SPAG16: variants seen among roughly 807,000 people sequenced by gnomAD.
SPAG16 encodes the protein sperm-associated antigen 16 protein.
A neutral mutation model predicts 80.4 loss-of-function variants in SPAG16; 86 were observed. The ratio of observed to expected loss-of-function variants is 1.07; its 90% CI spans 0.90 to 1.28. The LOEUF (loss-of-function observed/expected upper bound fraction) is 1.28, where lower values mean the gene tolerates loss of function less well. Among genes scored for constraint, SPAG16 ranks in the 50% most tolerant of loss-of-function variants. SPAG16 has a pLI of 0.00. For synonymous variants in SPAG16, 294 were observed against 265.9 expected (o/e 1.11, Z -1.03); for missense variants, 870 against 765.3 (o/e 1.14, Z -1.61).
At chr2:213,782,238 G>C (rs1419468442) in intron 10 of SPAG16, among the ~76,000 whole-genome samples, 1 of 151,364 alleles carries the variant, frequency 6.6e-6, no homozygotes, top group African/African-American at 2.4e-5. Flanking sequence ...GAAAGATGAA[G>C]GGAAGGAAGA....
intron 15 of SPAG16, among the ~76,000 whole-genome samples, chr2:214,397,449 C>G (rs1358660614): frequency 6.6e-6 from 1 of 152,086 alleles, no homozygotes; most frequent in Admixed American, 6.5e-5. Context: ...TGAGCCCCCG[C>G]GCCCGGCCAT....
chr2:213,521,621 A>G (rs2075673951), intron 10 of SPAG16, among the ~76,000 whole-genome samples: 1 of 152,206 alleles, frequency 6.6e-6, no homozygotes, highest in African/African-American at 2.4e-5. Context: ...ATATTCTTGC[A>G]TGAATGGAAC....
At chr2:213,872,284 G>T (rs1023088689) in intron 11 of SPAG16, among the ~76,000 whole-genome samples, 7 of 152,050 alleles carry the variant, frequency 4.6e-5, no homozygotes, top group Admixed American at 1.3e-4. Flanking sequence ...TCAATCCAAT[G>T]AAACTTATTT....
chr2:214,353,728 T>C (rs1698576301), intron 15 of SPAG16, among the ~76,000 whole-genome samples: 1 of 152,124 alleles, frequency 6.6e-6, no homozygotes, highest in Admixed American at 6.6e-5. Context: ...ATCTCAATTC[T>C]CCTTTAATCA....
intron 10 of SPAG16, among the ~76,000 whole-genome samples, chr2:213,646,483 A>T (rs1055868737): frequency 2.6e-5 from 4 of 152,232 alleles, no homozygotes; most frequent in East Asian, 1.9e-4. Context: ...CAGAACAGGA[A>T]TTATATATTG....
At chr2:214,281,461 G>C (rs1290425283) in intron 15 of SPAG16, 1 of 173,068 alleles carries the variant, frequency 5.8e-6, no homozygotes, top group South Asian at 1.4e-4. Context: ...ATCCTGCAGA[G>C]CAAATGCCCA....
chr2:214,402,749 TAAAAG>T (rs1483580577), intron 15 of SPAG16, among the ~76,000 whole-genome samples: 2 of 152,180 alleles, frequency 1.3e-5, no homozygotes, highest in Non-Finnish European at 2.9e-5. Flanking sequence ...CCAGAAGCTC[TAAAAG>T]AATAGGGCAG....
rs372859800 is a variant in SPAG16, at chr2:213,460,384, A to G, written c.943-29579A>G. On this transcript the variant is annotated intron_variant, in intron 9 of 15. Coordinates refer to ENST00000331683, the MANE Select transcript of SPAG16 (RefSeq NM_024532.5). ...AGAACAAGTGTAATGCCACTGTATCAAGATATATCCATACCAGGGCCTCTA... is the reference window on the plus strand; with the variant it reads ...AGAACAAGTGTAATGCCACTGTATCGAGATATATCCATACCAGGGCCTCTA... Among the ~76,000 whole-genome samples the G allele has an allele frequency of 8.5e-5, 13 of 152,200 alleles. No individual in the cohort carries two copies. The East Asian group carries it at 2.1e-3, about 25-fold the overall frequency.
intron 13 of SPAG16, among the ~76,000 whole-genome samples, chr2:214,018,869 C>A (rs1436636229): frequency 1.3e-5 from 2 of 152,190 alleles, no homozygotes; most frequent in Non-Finnish European, 2.9e-5. Flanking sequence ...TATGATCTAA[C>A]ACCTTTATTA....
At chr2:214,233,261 A>T (rs747582824) in intron 15 of SPAG16, among the ~76,000 whole-genome samples, 1 of 151,952 alleles carries the variant, frequency 6.6e-6, no homozygotes, top group Non-Finnish European at 1.5e-5. Flanking sequence ...GAGGGCAGTT[A>T]CATAGGTGTT....
At chr2:213,978,410 C>A (rs2045529021) in intron 12 of SPAG16, among the ~76,000 whole-genome samples, 1 of 152,052 alleles carries the variant, frequency 6.6e-6, no homozygotes, top group Non-Finnish European at 1.5e-5. Flanking sequence ...TCACAGGCAG[C>A]CTCCTCAACG....
intron 15 of SPAG16, among the ~76,000 whole-genome samples, chr2:214,166,740 A>G (rs2056671938): frequency 6.6e-6 from 1 of 152,148 alleles, no homozygotes; most frequent in African/African-American, 2.4e-5. Context: ...CATGCTAACC[A>G]CTACAATGTG....
intron 15 of SPAG16, among the ~76,000 whole-genome samples, chr2:214,382,692 G>A (rs1223759668): frequency 2.0e-5 from 3 of 152,118 alleles, no homozygotes; most frequent in Admixed American, 6.5e-5. Context: ...TTGAATCCTA[G>A]TCTCCTTTTT....
chr2:213,664,906 TG>T (rs2063549341), intron 10 of SPAG16, among the ~76,000 whole-genome samples: 1 of 152,094 alleles, frequency 6.6e-6, no homozygotes, highest in Non-Finnish European at 1.5e-5. Context: ...CTTAAATTTT[TG>T]TTGTATTTTC....
intron 13 of SPAG16, among the ~76,000 whole-genome samples, chr2:214,039,338 C>G (rs1164963204): frequency 1.3e-5 from 2 of 152,168 alleles, no homozygotes; most frequent in Non-Finnish European, 2.9e-5. Context: ...GCATAAATGT[C>G]TTCTTTTGAG....
intron 10 of SPAG16, among the ~76,000 whole-genome samples, chr2:213,749,108 CTG>C (rs1211839961): frequency 6.6e-6 from 1 of 152,128 alleles, no homozygotes; most frequent in Non-Finnish European, 1.5e-5. Context: ...GATCGCGCCA[CTG>C]TACTACACCC....
intron 13 of SPAG16, among the ~76,000 whole-genome samples, chr2:214,018,443 G>T (rs892062257): frequency 6.6e-6 from 1 of 152,066 alleles, no homozygotes; most frequent in African/African-American, 2.4e-5. Flanking sequence ...TAGTTAAATA[G>T]TAAGAGATTT....
chr2:213,596,850 A>G (rs976484761), intron 10 of SPAG16, among the ~76,000 whole-genome samples: 1 of 152,132 alleles, frequency 6.6e-6, no homozygotes, highest in African/African-American at 2.4e-5. Context: ...CACCAAGCAA[A>G]CTTCTGATTA....
At chr2:213,803,603 A>AG (rs1241824230) in intron 10 of SPAG16, among the ~76,000 whole-genome samples, 1 of 152,230 alleles carries the variant, frequency 6.6e-6, no homozygotes, top group African/African-American at 2.4e-5. Flanking sequence ...GAATAGTTCC[A>AG]GGGCTCCCAA....
Sources: allele counts gnomAD v4.1 joint callset (sites outside exome capture counted in the v4.1 genomes callset), GRCh38; gene constraint gnomAD v4.1.1; transcripts MANE v1.5; gene names NCBI Gene and HGNC (gene_info 2026-07-23, HGNC 2026-07-21).